Variants in SPATA13 observed in about 807,000 individuals in gnomAD.
SPATA13 encodes spermatogenesis-associated protein 13.
Under a neutral mutation model 104.0 loss-of-function variants are expected in SPATA13, and 50 were observed. The observed-to-expected ratio is 0.48, with a 90% CI of 0.38 to 0.61. The LOEUF is 0.61. SPATA13 is among the 20% of genes least tolerant of loss of function. The probability of loss-of-function intolerance (pLI) is 0.00; values close to 1 mark genes in which losing one functional copy is unlikely to be tolerated. For synonymous variants in SPATA13, 606 were observed against 667.5 expected, an observed-to-expected ratio of 0.91 and a Z score of 1.42; for missense variants, 1,524 against 1,690.6, an observed-to-expected ratio of 0.90 and a Z score of 1.73.
intron 3 of SPATA13, among the ~76,000 whole-genome samples, chr13:24,080,909 T>A (rs983266385): frequency 6.6e-6 from 1 of 152,204 alleles, no homozygotes; most frequent in African/African-American, 2.4e-5. Flanking sequence ...AGTGCACCTG[T>A]CTTCTGTCCC....
chr13:24,086,705 C>A (rs1301285639), intron 3 of SPATA13, among the ~76,000 whole-genome samples: 1 of 152,078 alleles, frequency 6.6e-6, no homozygotes, highest in Non-Finnish European at 1.5e-5. Flanking sequence ...CCCGAGTTCT[C>A]TTGAAAACCT....
intron 3 of SPATA13, among the ~76,000 whole-genome samples, chr13:24,109,799 G>A (rs1880577762): frequency 6.6e-6 from 1 of 151,854 alleles, no homozygotes; most frequent in Non-Finnish European, 1.5e-5. Context: ...TTTTACTCTG[G>A]TAAATACATC....
chr13:24,275,660 G>A (rs1874925082), intron 4 of SPATA13, among the ~76,000 whole-genome samples: 1 of 152,240 alleles, frequency 6.6e-6, no homozygotes, highest in Non-Finnish European at 1.5e-5. Context: ...TGGGCAAGGT[G>A]CAGTGGCTCA....
rs140607952 is a variant in SPATA13, at chr13:24,065,865, A to G, written c.-112+48164A>G. ...TTCTAAAGCATGGGCTCTGAAGTCC[A>G]AATACTTGGGTTTGAATCTCAGCTC... On this transcript the variant is annotated intron_variant, in intron 3 of 14. Coordinates refer to the SPATA13 transcript ENST00000424834. Among the ~76,000 whole-genome samples, 118 of 152,358 alleles carry G rather than the reference A, an allele frequency of 7.7e-4. 1 individual carries two copies. The East Asian group carries it at 0.022, about 28-fold the overall frequency.
rs1300880580 is a variant in SPATA13, at chr13:24,304,152, G to A, written c.*1379G>A. The A allele has an allele frequency of 5.3e-5, 8 of 152,302 alleles. No homozygotes were observed. Among genetic ancestry groups the A allele is most frequent in the South Asian group, 2.1e-4 (1 of 4,826 alleles). 9.4% of individuals were successfully genotyped at this position (152,302 alleles called of 1,614,324 possible). On this transcript the variant is annotated 3_prime_UTR_variant, in exon 13 of 13. Transcript: ENST00000382108. Reference sequence around the variant, plus strand: ...GCCAAACAGGGCATAACCATGTCACGTGAGCATGTCATCAGGCTTCTGAGG... The same window carrying A: ...GCCAAACAGGGCATAACCATGTCACATGAGCATGTCATCAGGCTTCTGAGG...
rs146301793 is a variant in SPATA13, at chr13:24,089,549, G to A, written c.-112+71848G>A. ...TATTACAAAACCCCTCTGGGCTAGG[G>A]CAATCAGTTAGTGTTGTGGTAGAAT... On this transcript the variant is annotated intron_variant, in intron 3 of 14. Coordinates refer to the SPATA13 transcript ENST00000424834. Among the ~76,000 whole-genome samples, 21 of 152,284 alleles carry A rather than the reference G, an allele frequency of 1.4e-4. No individual in the cohort carries two copies. In the East Asian group the frequency reaches 3.3e-3, roughly 24 times the overall value.
At chr13:24,080,739 C>T (rs766777078) in intron 3 of SPATA13, among the ~76,000 whole-genome samples, 1 of 152,200 alleles carries the variant, frequency 6.6e-6, no homozygotes, top group Non-Finnish European at 1.5e-5. Context: ...GGCACAGACT[C>T]ATCTTCTGTG....
rs138918146 is a variant in SPATA13 at position 24,130,997 on chromosome 13, A to C, written c.-111-91822A>C. Among the ~76,000 whole-genome samples, 5 of 152,340 alleles carry C rather than the reference A, an allele frequency of 3.3e-5. No individual in the cohort carries two copies. The East Asian group carries it at 5.8e-4, about 18-fold the overall frequency. ...ACGCTTTCTGGCTTCATCGTGATTC[A>C]CTTACTTGCCTTCGTGTGAGTCTCC... On this transcript the variant is annotated intron_variant, in intron 3 of 14. Coordinates refer to the SPATA13 transcript ENST00000424834.
At position 24,222,854 on chromosome 13, in the gene SPATA13, G is replaced by T. The variant is rs1365305240; in HGVS notation, c.-76G>T. The T allele has an allele frequency of 4.6e-6, 7 of 1,538,014 alleles. No individual in the cohort carries two copies. Among genetic ancestry groups the T allele is most frequent in the South Asian group, 1.2e-5 (1 of 82,404 alleles). Reference sequence around the variant, plus strand: ...CCCAGGAGCCCGATGTGCAAGGCAGGTGTGAGTGCCAGGACGGCATTCCTG... The same window carrying T: ...CCCAGGAGCCCGATGTGCAAGGCAGTTGTGAGTGCCAGGACGGCATTCCTG... On this transcript the variant is annotated 5_prime_UTR_variant, in exon 2 of 13. Coordinates refer to ENST00000382108, the MANE Select transcript of SPATA13 (RefSeq NM_001166271.3).
chr13:24,224,369 C>A lies in SPATA13; in HGVS notation c.1440C>A (p.Pro480=), dbSNP rs745915545. The A allele has an allele frequency of 1.9e-6, 3 of 1,551,592 alleles. No homozygotes were observed. The highest frequency in any genetic ancestry group is 2.6e-6 in the Non-Finnish European group (3 of 1,147,014). Residue 480 remains proline (P), a synonymous_variant, in exon 2 of 13, where the codon CCC becomes CCA. Transcript: ENST00000382108. The stretch of plus-strand genomic sequence containing the variant: ...AGAGCCCTCAGAGCCCCCAGAGCCC[C>A]GGGGCAGGAAGTGCCAGCTGTCACA... ...KPQSPQSPQS[P]GAGSASCHSN...
chr13:24,287,067 A>C, intron 7 of SPATA13, 117 bp downstream of exon 7: 3 of 792,076 alleles, frequency 3.8e-6, no homozygotes, highest in African/African-American at 2.1e-5. Flanking sequence ...ATGTATGCTC[A>C]TTTCTCCGCC....
At chr13:24,251,164 G>A (rs191998264) in intron 3 of SPATA13, among the ~76,000 whole-genome samples, 163 of 152,334 alleles carry the variant, frequency 1.1e-3, no homozygotes, top group African/African-American at 3.9e-3. Context: ...TTCAACTAAA[G>A]CTCCACTGCC....
intron 2 of SPATA13, among the ~76,000 whole-genome samples, chr13:23,995,111 ATG>A (rs1875617385): frequency 6.6e-6 from 1 of 152,182 alleles, no homozygotes; most frequent in South Asian, 2.1e-4. Context: ...ATGTCCAAAA[ATG>A]TCAGTAGTGC....
chr13:24,097,239 T>A (rs9553171), intron 3 of SPATA13, among the ~76,000 whole-genome samples: 62,926 of 151,952 alleles, frequency 0.41, 14,079 homozygotes, highest in Middle Eastern at 0.52. Context: ...TGCCAGGCTT[T>A]GTGCTAAACA....
At chr13:24,066,766 G>A (rs902130340) in intron 3 of SPATA13, among the ~76,000 whole-genome samples, 4 of 152,062 alleles carry the variant, frequency 2.6e-5, no homozygotes, top group Admixed American at 2.6e-4. Context: ...AAAACAGGGA[G>A]CAGGCTCAGG....
At chr13:24,124,692 T>A (rs1037859868) in intron 3 of SPATA13, among the ~76,000 whole-genome samples, 2 of 152,216 alleles carry the variant, frequency 1.3e-5, no homozygotes, top group African/African-American at 4.8e-5. Flanking sequence ...GTATAGATAC[T>A]GCTTTTGTCT....
chr13:24,223,484 C>T lies in SPATA13; in HGVS notation c.555C>T (p.Asp185=). 7 of 1,549,238 alleles carry T rather than the reference C, an allele frequency of 4.5e-6. No individual in the cohort carries two copies. Among genetic ancestry groups the T allele is most frequent in the Middle Eastern group, 1.7e-4 (1 of 5,992 alleles). ...AGTGGGGCACATTGGATGGCTCCGA[C>T]CTCGAGGACACGGACGATGCCTTCC... ...PAEWGTLDGS[D]LEDTDDAFQR... Residue 185 remains aspartate, a synonymous_variant, in exon 2 of 13, where the codon GAC becomes GAT. Coordinates refer to ENST00000382108, the MANE Select transcript of SPATA13 (RefSeq NM_001166271.3).
At chr13:24,238,757 G>T (rs1333668944) in intron 2 of SPATA13, among the ~76,000 whole-genome samples, 1 of 152,160 alleles carries the variant, frequency 6.6e-6, no homozygotes, top group Non-Finnish European at 1.5e-5. Flanking sequence ...AGAATACCTT[G>T]TACATTTGGC....
chr13:24,263,897 C>T (rs575533378), intron 4 of SPATA13, among the ~76,000 whole-genome samples: 3 of 152,352 alleles, frequency 2.0e-5, no homozygotes, highest in African/African-American at 7.2e-5. Flanking sequence ...TGCTGTGAGA[C>T]AGCCTGGATT....
Sources: allele counts gnomAD v4.1 joint callset (sites outside exome capture counted in the v4.1 genomes callset), GRCh38; gene constraint gnomAD v4.1.1; transcripts MANE v1.5; gene names NCBI Gene and HGNC (gene_info 2026-07-23, HGNC 2026-07-21).